Variants in PLEKHO1 observed in about 807,000 individuals in gnomAD.
The protein encoded by PLEKHO1 is pleckstrin homology domain-containing family O member 1.
A neutral mutation model predicts 41.4 loss-of-function variants in PLEKHO1; 22 were observed. The observed-to-expected ratio is 0.53, with a 90% CI of 0.38 to 0.76. PLEKHO1 has a LOEUF of 0.76. PLEKHO1 is among the 30% of genes least tolerant of loss of function. The probability of loss-of-function intolerance (pLI) is 0.00; values close to 1 mark genes in which losing one functional copy is unlikely to be tolerated. For synonymous variants in PLEKHO1, 225 were observed against 210.8 expected, an observed-to-expected ratio of 1.07 and a Z score of -0.58; for missense variants, 488 against 518.3, an observed-to-expected ratio of 0.94 and a Z score of 0.57.
At chr1:150,153,635 T>A (rs1660047894) in intron 2 of PLEKHO1, 1 of 152,220 alleles carries the variant, frequency 6.6e-6, no homozygotes, top group Admixed American at 6.5e-5. Flanking sequence ...ACCTCTGCCG[T>A]AGAATTTCTT....
Position 150,159,234 on chromosome 1 carries a change from G to C in PLEKHO1, c.941G>C (p.Arg314Thr). 6.2e-7 allele frequency: 1 copy of C among 1,614,158 alleles called. No homozygotes were observed. Among genetic ancestry groups the C allele is most frequent in the Non-Finnish European group, 8.5e-7 (1 of 1,180,014 alleles). Reference sequence around the variant, plus strand: ...TCCCGGATCCAGGACCTGGTAGCAAGGAAACTGGAGGAGACTCAGGAGCTT... The same window carrying C: ...TCCCGGATCCAGGACCTGGTAGCAACGAAACTGGAGGAGACTCAGGAGCTT... ...QLSRIQDLVA[R>T]KLEETQELLA... The change falls in exon 6 of 6, where the codon AGG (arginine) becomes ACG (threonine). Residue 314 changes from arginine (R) to threonine (T), a missense_variant. Physicochemically the swap from Arg to Thr is moderately conservative, Grantham distance 71. Coordinates refer to ENST00000369124, the MANE Select transcript of PLEKHO1 (RefSeq NM_016274.6).
chr1:150,151,757 G>T (rs1659944329), intron 2 of PLEKHO1, among the ~76,000 whole-genome samples: 1 of 152,108 alleles, frequency 6.6e-6, no homozygotes, highest in Admixed American at 6.5e-5. Context: ...AGCTTTGGCT[G>T]TGTAGTTAAC....
At chr1:150,152,980 A>T (rs1482461129) in intron 2 of PLEKHO1, 2 of 152,196 alleles carry the variant, frequency 1.3e-5, no homozygotes, top group African/African-American at 4.8e-5. Flanking sequence ...ATGAGTCAGG[A>T]CCATCTGACT....
chr1:150,151,584 T>C (rs1305871671), intron 2 of PLEKHO1, among the ~76,000 whole-genome samples: 1 of 152,110 alleles, frequency 6.6e-6, no homozygotes, highest in Non-Finnish European at 1.5e-5. Flanking sequence ...GTGGCAGTTA[T>C]TTTCGTTGAA....
At chr1:150,156,313 C>G in intron 3 of PLEKHO1, 107 bp downstream of exon 3, 2 of 892,578 alleles carry the variant, frequency 2.2e-6, no homozygotes, top group South Asian at 1.7e-5. Flanking sequence ...GGTTCAGATT[C>G]CCTGAATTGC....
rs996365786 is a variant in PLEKHO1, at chr1:150,159,756, C to T, written c.*233C>T. 6.6e-6 allele frequency: 3 copies of T among 455,766 alleles called. No individual in the cohort carries two copies. The highest frequency in any genetic ancestry group is 3.5e-5 in the Admixed American group (1 of 28,478). The allele number at this position is 455,766 out of a possible 1,614,324, so 28.2% of individuals were successfully genotyped here. A position where few individuals can be genotyped will look rare whatever the true frequency, so the allele number is the denominator to read the frequency against. On this transcript the variant is annotated 3_prime_UTR_variant, in exon 6 of 6. Transcript: ENST00000369124. The stretch of plus-strand genomic sequence containing the variant: ...CGCAGCAGTAGCAGGAAGTTTTTAC[C>T]CAGCCAGAGAGAGAGAAGGCACGGT...
chr1:150,156,325 C>T lies in PLEKHO1; in HGVS notation c.318+119C>T. On this transcript the variant is annotated intron_variant, in intron 3 of 5. Transcript: ENST00000369124. ...CTTGGTTCAGATTCCCTGAATTGCTCTCCTGCTGGCTTTTATCATTTCACC... is the reference window on the plus strand; with the variant it reads ...CTTGGTTCAGATTCCCTGAATTGCTTTCCTGCTGGCTTTTATCATTTCACC... 6 of 800,006 alleles carry T rather than the reference C, an allele frequency of 7.5e-6. No homozygotes were observed. In the South Asian group the frequency reaches 8.9e-5, roughly 12 times the overall value. The allele number at this position is 800,006 out of a possible 1,614,324, so 49.6% of individuals were successfully genotyped here.
rs1217440578 is a variant in PLEKHO1, at chr1:150,149,933, G to A, written c.-325G>A. On this transcript the variant is annotated 5_prime_UTR_variant, in exon 1 of 6. Transcript: ENST00000369124. ...GGCCGCCCACAGCGCACCGGGCCGGGGGAGCGGCCGCGCTGGGCCGGGCGG... is the reference window on the plus strand; with the variant it reads ...GGCCGCCCACAGCGCACCGGGCCGGAGGAGCGGCCGCGCTGGGCCGGGCGG... The A allele has an allele frequency of 1.3e-5, 2 of 150,990 alleles. No individual in the cohort carries two copies. The highest frequency in any genetic ancestry group is 2.9e-5 in the Non-Finnish European group (2 of 67,900). The allele number at this position is 150,990 out of a possible 1,614,324, so 9.4% of individuals were successfully genotyped here. A position where few individuals can be genotyped will look rare whatever the true frequency, so the allele number is the denominator to read the frequency against.
rs150036531 is a variant in PLEKHO1 at position 150,159,761 on chromosome 1, CAG to C, written c.*248_*249del. ...CAGTAGCAGGAAGTTTTTACCCAGC[CAG>C]AGAGAGAGAAGGCACGGTAAAGACA... On this transcript the variant is annotated 3_prime_UTR_variant, in exon 6 of 6. Transcript: ENST00000369124. 85 of 445,734 alleles carry C rather than the reference CAG, an allele frequency of 1.9e-4. No individual in the cohort carries two copies. The highest frequency in any genetic ancestry group is 2.1e-4 in the South Asian group (5 of 23,792). 27.6% of individuals were successfully genotyped at this position (445,734 alleles called of 1,614,324 possible).
intron 2 of PLEKHO1, among the ~76,000 whole-genome samples, chr1:150,153,198 G>T (rs1553819524): frequency 6.6e-6 from 1 of 152,056 alleles, no homozygotes; most frequent in Non-Finnish European, 1.5e-5. Flanking sequence ...GTTTTGTTTT[G>T]TTTTTTAGAG....
intron 2 of PLEKHO1, 29 bp from the exon 3 acceptor site, chr1:150,156,037 C>G: frequency 3.1e-6 from 5 of 1,602,528 alleles, no homozygotes; most frequent in Non-Finnish European, 4.3e-6. Context: ...TAATTTTATC[C>G]TCCTCACCTC....
intron 5 of PLEKHO1, among the ~76,000 whole-genome samples, chr1:150,157,955 TCA>T (rs1408896339): frequency 6.6e-6 from 1 of 152,186 alleles, no homozygotes; most frequent in Admixed American, 6.5e-5. Context: ...AGTTGGAACC[TCA>T]CTGTAATCAG....
rs139280863 is a variant in PLEKHO1, at chr1:150,158,978, C to T, written c.685C>T (p.Arg229Cys). The T allele has an allele frequency of 1.2e-5, 19 of 1,614,054 alleles. No homozygotes were observed. Among genetic ancestry groups the T allele is most frequent in the South Asian group, 4.4e-5 (4 of 91,092 alleles). The change falls in exon 6 of 6, where the codon CGC becomes TGC. Residue 229 changes from arginine (R) to cysteine (C), a missense_variant. Physicochemically the swap from Arg to Cys is radical, Grantham distance 180. This residue lies in a region of PLEKHO1 where 337 missense variants were observed against 324.6 expected (regional missense o/e 1.04). Coordinates refer to ENST00000369124, the MANE Select transcript of PLEKHO1 (RefSeq NM_016274.6). The stretch of plus-strand genomic sequence containing the variant: ...GAGCCGGCGGAGAGCGGACTCAGAC[C>T]GCATCCAGCCCTCCGCAGACCGGGC... ...AGSRRRADSD[R>C]IQPSADRASS...
At chr1:150,158,781 A>G (rs1336759973) in intron 5 of PLEKHO1, 38 bp from the exon 6 acceptor site, 1 of 1,396,296 alleles carries the variant, frequency 7.2e-7, no homozygotes, top group African/African-American at 1.5e-5. Flanking sequence ...ATCCCTCCTG[A>G]TGACAGGTTC....
intron 2 of PLEKHO1, chr1:150,154,681 TAATTTC>T (rs1479183938): frequency 1.3e-5 from 2 of 152,156 alleles, no homozygotes; most frequent in Non-Finnish European, 2.9e-5. Context: ...TTTTGGAAAA[TAATTTC>T]AGTCAGGGTG....
chr1:150,159,856 A>T lies in PLEKHO1; in HGVS notation c.*333A>T. ...AGGGAGTCCACTGCTGCTCCCAAGG[A>T]TACAGTGGGCTTCTAAGCTTAGAGC... On this transcript the variant is annotated 3_prime_UTR_variant, in exon 6 of 6. Coordinates refer to ENST00000369124, the MANE Select transcript of PLEKHO1 (RefSeq NM_016274.6). The T allele has an allele frequency of 4.6e-6, 1 of 217,980 alleles. No homozygotes were observed. Among genetic ancestry groups the T allele is most frequent in the East Asian group, 9.9e-5 (1 of 10,110 alleles). 13.5% of individuals were successfully genotyped at this position (217,980 alleles called of 1,614,324 possible).
Position 150,159,295 on chromosome 1 carries a change from A to G in PLEKHO1, c.1002A>G (p.Arg334=), listed in dbSNP as rs782452443. The G allele has an allele frequency of 2.5e-6, 4 of 1,614,144 alleles. No individual in the cohort carries two copies. Among genetic ancestry groups the G allele is most frequent in the Admixed American group, 3.3e-5 (2 of 60,016 alleles). Residue 334 remains arginine (R), a synonymous_variant, in exon 6 of 6, where the codon CGA becomes CGG. Coordinates refer to ENST00000369124, the MANE Select transcript of PLEKHO1 (RefSeq NM_016274.6). The stretch of plus-strand genomic sequence containing the variant: ...TTCAGGGACTGGGAGATGGGAAGCG[A>G]AAGGCCAAGGACCCCCCTCGGTCTC... ...AEVQGLGDGK[R]KAKDPPRSPP...
chr1:150,150,655 G>T (rs1215779005), intron 1 of PLEKHO1: 1 of 464,614 alleles, frequency 2.2e-6, no homozygotes, highest in Non-Finnish European at 3.9e-6. Flanking sequence ...AGGGAACCTG[G>T]GAGCCTCTCC....
chr1:150,154,165 C>G (rs1660073736), intron 2 of PLEKHO1: 1 of 152,326 alleles, frequency 6.6e-6, no homozygotes, highest in African/African-American at 2.4e-5. Context: ...TGGCTACATT[C>G]ACACACCCAA....
Sources: gnomAD v4.1 joint callset for allele counts (sites outside exome capture counted in the v4.1 genomes callset) on GRCh38, gnomAD v4.1.1 for gene constraint, gnomAD v4.1.1 regional missense constraint, MANE v1.5 for transcripts, NCBI Gene and HGNC (gene_info 2026-07-23, HGNC 2026-07-21) for gene names.